Variants in TSHZ2 observed in about 807,000 individuals in gnomAD.
The protein encoded by TSHZ2 is teashirt zinc finger homeobox 2.
A neutral mutation model predicts 74.4 loss-of-function variants in TSHZ2; 21 were observed. That is an observed-to-expected ratio of 0.28 (90% CI 0.20 to 0.41). The LOEUF is 0.41. Among genes scored for constraint, TSHZ2 ranks in the 10% least tolerant of loss-of-function variants. The probability of loss-of-function intolerance (pLI) is 1.00; values close to 1 mark genes in which losing one functional copy is unlikely to be tolerated. For missense variants in TSHZ2, 1,244 were observed against 1,293.5 expected, an observed-to-expected ratio of 0.96 and a Z score of 0.59; for synonymous variants, 540 against 515.3, an observed-to-expected ratio of 1.05 and a Z score of -0.65.
chr20:53,239,731 T>A (rs964277484), intron 1 of TSHZ2, among the ~76,000 whole-genome samples: 3 of 152,144 alleles, frequency 2.0e-5, no homozygotes, highest in Non-Finnish European at 4.4e-5. Context: ...AAAAATTACC[T>A]CATATTTTAT....
chr20:53,424,779 C>G (rs1426233991), intron 2 of TSHZ2, among the ~76,000 whole-genome samples: 3 of 152,162 alleles, frequency 2.0e-5, no homozygotes, highest in Non-Finnish European at 4.4e-5. Flanking sequence ...TCCATGTGCT[C>G]TCATTGTTCC....
intron 2 of TSHZ2, among the ~76,000 whole-genome samples, chr20:53,348,973 G>A (rs959151468): frequency 6.6e-6 from 1 of 152,172 alleles, no homozygotes; most frequent in Non-Finnish European, 1.5e-5. Context: ...TAGATCAAAA[G>A]CAGTTTAACT....
intron 2 of TSHZ2, among the ~76,000 whole-genome samples, chr20:53,277,306 T>G (rs1437195521): frequency 1.3e-5 from 2 of 152,220 alleles, no homozygotes; most frequent in Non-Finnish European, 2.9e-5. Flanking sequence ...ATCAAAATCT[T>G]TTATTTATAA....
intron 2 of TSHZ2, among the ~76,000 whole-genome samples, chr20:53,386,441 C>T (rs899954058): frequency 6.6e-6 from 1 of 152,182 alleles, no homozygotes; most frequent in Non-Finnish European, 1.5e-5. Context: ...GGCAGCTGTA[C>T]ATGAAATGCC....
intron 1 of TSHZ2, among the ~76,000 whole-genome samples, chr20:53,174,680 G>T (rs1425725954): frequency 1.3e-5 from 2 of 152,202 alleles, no homozygotes; most frequent in African/African-American, 4.8e-5. Flanking sequence ...CATGCTCAGG[G>T]TTATTCTCCT....
At chr20:52,996,818 T>A (rs1449794559) in intron 1 of TSHZ2, among the ~76,000 whole-genome samples, 3 of 152,170 alleles carry the variant, frequency 2.0e-5, no homozygotes, top group Admixed American at 2.0e-4. Context: ...CATTTGTGCA[T>A]CCAAAGCTGA....
chr20:53,256,480 G>A lies in TSHZ2; in HGVS notation c.3022G>A (p.Ala1008Thr), dbSNP rs764597112. 7 of 1,613,944 alleles carry A rather than the reference G, an allele frequency of 4.3e-6. No individual in the cohort carries two copies. The South Asian group carries it at 6.6e-5, about 15-fold the overall frequency. ...LCCRTFVSKH[A>T]VKLHLSKTHS... is the part of the protein sequence containing the mutation. ...CTGTCGGACATTTGTGAGCAAACAT[G>A]CGGTAAAACTCCACCTAAGCAAAAC... Residue 1008 changes from alanine to threonine, a missense_variant, in exon 2 of 3, where the codon GCG (alanine) becomes ACG (threonine). Ala to Thr is a moderately conservative substitution (Grantham distance 58). Coordinates refer to ENST00000371497, the MANE Select transcript of TSHZ2 (RefSeq NM_173485.6). The surrounding 1 kb of genome is among the most constrained non-coding windows in gnomAD (Gnocchi z 4.3).
intron 2 of TSHZ2, among the ~76,000 whole-genome samples, chr20:53,472,232 C>T (rs1178562127): frequency 6.6e-5 from 10 of 152,208 alleles, no homozygotes; most frequent in South Asian, 4.1e-4. Flanking sequence ...GCCCACTGAG[C>T]GAATGCCACA....
chr20:53,091,038 GAT>G (rs1275981139), intron 1 of TSHZ2, among the ~76,000 whole-genome samples: 1 of 152,196 alleles, frequency 6.6e-6, no homozygotes, highest in Non-Finnish European at 1.5e-5. Context: ...GTGAAACTCT[GAT>G]AGCACACAGT....
chr20:53,175,462 G>T (rs112959062), intron 1 of TSHZ2, among the ~76,000 whole-genome samples: 7 of 151,328 alleles, frequency 4.6e-5, no homozygotes, highest in African/African-American at 1.5e-4. Flanking sequence ...TTTTTCTTCT[G>T]CCTTGGCCCT....
rs1406424832 is a variant in TSHZ2 at position 53,491,327 on chromosome 20, C to T, written c.*4192C>T. The T allele has an allele frequency of 6.6e-6, 1 of 152,134 alleles. No individual in the cohort carries two copies. Among genetic ancestry groups the T allele is most frequent in the Non-Finnish European group, 1.5e-5 (1 of 68,024 alleles). 9.4% of individuals were successfully genotyped at this position (152,134 alleles called of 1,614,324 possible). A position where few individuals can be genotyped will look rare whatever the true frequency, so the allele number is the denominator to read the frequency against. On this transcript the variant is annotated 3_prime_UTR_variant, in exon 3 of 3. Transcript: ENST00000371497. ...TGTTCAAATGCTAACTTCATTTTCT[C>T]CTTTCCTCTATGTGGCACTTTCTCA...
chr20:53,325,135 C>G (rs1343938714), intron 2 of TSHZ2, among the ~76,000 whole-genome samples: 1 of 152,166 alleles, frequency 6.6e-6, no homozygotes, highest in Non-Finnish European at 1.5e-5. Context: ...TGTTTTTCCA[C>G]CAGAAGCATT....
At chr20:53,178,185 T>A (rs1988389345) in intron 1 of TSHZ2, 2 of 152,210 alleles carry the variant, frequency 1.3e-5, no homozygotes, top group Admixed American at 1.3e-4. Flanking sequence ...AAGGACCCTA[T>A]CATCTCTTGG....
intron 1 of TSHZ2, among the ~76,000 whole-genome samples, chr20:53,032,524 G>T (rs1394901354): frequency 1.3e-5 from 2 of 152,164 alleles, no homozygotes; most frequent in Non-Finnish European, 2.9e-5. Flanking sequence ...CATCAGTCAG[G>T]CCCTTGGTAG....
Position 53,447,396 on chromosome 20 carries a change from T to C in TSHZ2, c.*9-39748T>C, listed in dbSNP as rs574253399. Among the ~76,000 whole-genome samples the C allele has an allele frequency of 1.4e-4, 21 of 152,350 alleles. No individual in the cohort carries two copies. The Middle Eastern group carries it at 0.014, about 99-fold the overall frequency. On this transcript the variant is annotated intron_variant, in intron 2 of 2. Coordinates refer to ENST00000371497, the MANE Select transcript of TSHZ2 (RefSeq NM_173485.6). ...TTACACCTTTTATTTTGAAATACTT[T>C]TAGACTTCAAGATAGTTGCAAAAAA...
At chr20:53,248,982 C>T (rs759535966) in intron 1 of TSHZ2, among the ~76,000 whole-genome samples, 8 of 151,636 alleles carry the variant, frequency 5.3e-5, no homozygotes, top group Admixed American at 2.0e-4. Flanking sequence ...GGATTACAAG[C>T]GTGTGCCACC....
intron 2 of TSHZ2, among the ~76,000 whole-genome samples, chr20:53,343,856 A>G (rs1980323857): frequency 6.6e-6 from 1 of 152,226 alleles, no homozygotes; most frequent in African/African-American, 2.4e-5. Context: ...TCAGAAAATG[A>G]GACACTTAGG....
At chr20:53,046,985 T>G (rs1225551302) in intron 1 of TSHZ2, among the ~76,000 whole-genome samples, 1 of 152,090 alleles carries the variant, frequency 6.6e-6, no homozygotes, top group African/African-American at 2.4e-5. Context: ...AGGCTATTCA[T>G]GTTTGAATGA....
intron 1 of TSHZ2, among the ~76,000 whole-genome samples, chr20:53,014,056 G>C (rs1478697387): frequency 6.6e-6 from 1 of 152,180 alleles, no homozygotes; most frequent in East Asian, 1.9e-4. Flanking sequence ...ACCATAGACT[G>C]GGTGGGTGGC....
Sources: gnomAD v4.1 joint callset for allele counts (sites outside exome capture counted in the v4.1 genomes callset) on GRCh38, gnomAD v4.1.1 for gene constraint, Gnocchi (gnomAD v3.1) non-coding constraint, MANE v1.5 for transcripts, NCBI Gene and HGNC (gene_info 2026-07-23, HGNC 2026-07-21) for gene names.